The following POLN variants were observed in gnomAD, a reference collection of about 807,000 sequenced individuals.
POLN encodes DNA polymerase N.
In POLN, 108 loss-of-function variants were observed where a neutral mutation model predicts 113.5. The ratio of observed to expected loss-of-function variants is 0.95; its 90% CI spans 0.81 to 1.12. The LOEUF (loss-of-function observed/expected upper bound fraction) is 1.12, where lower values mean the gene tolerates loss of function less well. POLN is among the 50% of genes most tolerant of loss of function. POLN has a pLI of 0.00. For synonymous variants in POLN, 386 were observed against 391.5 expected (o/e 0.99, Z 0.17); for missense variants, 1,097 against 1,077.1 (o/e 1.02, Z -0.26).
chr4:2,202,674 A>G (rs1178449964), intron 5 of POLN, among the ~76,000 whole-genome samples: 7 of 149,006 alleles, frequency 4.7e-5, no homozygotes, highest in African/African-American at 1.8e-4. Context: ...CAGTGAGCCA[A>G]GACTGTAGCA....
At chr4:2,187,155 G>A (rs976234892) in intron 7 of POLN, among the ~76,000 whole-genome samples, 2 of 152,152 alleles carry the variant, frequency 1.3e-5, no homozygotes, top group East Asian at 1.9e-4. Flanking sequence ...AATTAGTGGT[G>A]TTCAAGATGA....
At chr4:2,109,183 T>C (rs964258469) in intron 19 of POLN, among the ~76,000 whole-genome samples, 14 of 152,178 alleles carry the variant, frequency 9.2e-5, no homozygotes, top group Admixed American at 3.3e-4. Flanking sequence ...AATGATTGAA[T>C]ATGAAAAACA....
chr4:2,085,993 G>A (rs1228061904), intron 20 of POLN, among the ~76,000 whole-genome samples: 1 of 152,228 alleles, frequency 6.6e-6, no homozygotes, highest in African/African-American at 2.4e-5. Context: ...TGATGAAGTA[G>A]ACATGGTCCC....
intron 2 of POLN, among the ~76,000 whole-genome samples, chr4:2,237,891 T>TA (rs1734822530): frequency 6.6e-6 from 1 of 152,164 alleles, no homozygotes; most frequent in Admixed American, 6.5e-5. Flanking sequence ...AGCTGCCAAT[T>TA]AGTCTTATAG....
At chr4:2,218,647 G>A (rs1196888755) in intron 3 of POLN, among the ~76,000 whole-genome samples, 1 of 152,124 alleles carries the variant, frequency 6.6e-6, no homozygotes, top group Non-Finnish European at 1.5e-5. Context: ...CAAAACAGTG[G>A]GTGGCGGGAT....
intron 19 of POLN, among the ~76,000 whole-genome samples, chr4:2,122,676 G>A (rs1455465879): frequency 6.6e-6 from 1 of 152,234 alleles, no homozygotes; most frequent in East Asian, 1.9e-4. Context: ...TGTTTAGCAG[G>A]TCATGGAAAA....
intron 16 of POLN, among the ~76,000 whole-genome samples, chr4:2,149,215 G>A (rs752663375): frequency 3.3e-5 from 5 of 151,962 alleles, no homozygotes; most frequent in Admixed American, 6.6e-5. Flanking sequence ...AATTGCTTGC[G>A]CCTGGGAGGC....
At chr4:2,078,587 C>A in intron 23 of POLN, 6 of 985,282 alleles carry the variant, frequency 6.1e-6, no homozygotes, top group Non-Finnish European at 7.2e-6. Flanking sequence ...GAGTTTCATG[C>A]CTGCTGCTTC....
At chr4:2,154,603 A>C (rs904085921) in intron 16 of POLN, among the ~76,000 whole-genome samples, 1 of 152,230 alleles carries the variant, frequency 6.6e-6, no homozygotes, top group Non-Finnish European at 1.5e-5. Flanking sequence ...TAAAGCCTTA[A>C]AAATACATAT....
chr4:2,138,896 A>C (rs2108730046), intron 16 of POLN, among the ~76,000 whole-genome samples: 1 of 152,148 alleles, frequency 6.6e-6, no homozygotes, highest in East Asian at 1.9e-4. Flanking sequence ...TCTGTCTCAA[A>C]AAAAAAGAAA....
chr4:2,220,935 CTTTG>C (rs938738097), intron 3 of POLN, among the ~76,000 whole-genome samples: 81 of 152,088 alleles, frequency 5.3e-4, no homozygotes, highest in African/African-American at 1.5e-3. Flanking sequence ...GAATTATGAA[CTTTG>C]TTTGTTTTTT....
chr4:2,195,524 TC>T (rs936328502), intron 6 of POLN, among the ~76,000 whole-genome samples: 4 of 148,424 alleles, frequency 2.7e-5, no homozygotes, highest in Admixed American at 6.7e-5. Flanking sequence ...CACTCTGTCA[TC>T]CAGGCTAGAG....
rs1327222017 is a variant in POLN at position 2,231,764 on chromosome 4, G to A, written c.-12-2521C>T. On this transcript the variant is annotated intron_variant, in intron 2 of 25. Transcript: ENST00000511885. ...AAGTCATAAAAAGCACTGGTATTCT[G>A]AATGTACTACATGAGAAAAAAGACA... 5 of 507,144 alleles carry A rather than the reference G, an allele frequency of 9.9e-6. No homozygotes were observed. In the Admixed American group the frequency reaches 1.7e-4, roughly 17 times the overall value. The allele number at this position is 507,144 out of a possible 1,614,324, so 31.4% of individuals were successfully genotyped here.
chr4:2,171,705 C>T (rs1396303936), intron 11 of POLN, among the ~76,000 whole-genome samples: 2 of 150,200 alleles, frequency 1.3e-5, no homozygotes, highest in East Asian at 2.0e-4. Flanking sequence ...TTTGGGAGGC[C>T]GAGGCAGGTG....
intron 19 of POLN, among the ~76,000 whole-genome samples, chr4:2,116,930 G>T (rs1235860095): frequency 6.6e-6 from 1 of 152,184 alleles, no homozygotes; most frequent in Non-Finnish European, 1.5e-5. Flanking sequence ...AGTGGGATTT[G>T]ATTTCATTTT....
chr4:2,138,313 T>C (rs1337596445), intron 16 of POLN, among the ~76,000 whole-genome samples: 1 of 152,158 alleles, frequency 6.6e-6, no homozygotes, highest in African/African-American at 2.4e-5. Context: ...GACCAGACAT[T>C]AGTTACCCCA....
At chr4:2,136,420 G>A (rs1731858636) in intron 16 of POLN, among the ~76,000 whole-genome samples, 1 of 152,238 alleles carries the variant, frequency 6.6e-6, no homozygotes, top group Admixed American at 6.5e-5. Flanking sequence ...GGCAGCCCAA[G>A]TCTCCCATGA....
chr4:2,192,486 T>C (rs990576124), intron 7 of POLN, among the ~76,000 whole-genome samples: 2 of 151,908 alleles, frequency 1.3e-5, no homozygotes, highest in Admixed American at 1.3e-4. Context: ...ATTACAGGCA[T>C]GAGCCACCAA....
chr4:2,130,188 G>A (rs1731686971), intron 17 of POLN, among the ~76,000 whole-genome samples: 1 of 151,826 alleles, frequency 6.6e-6, no homozygotes, highest in East Asian at 1.9e-4. Flanking sequence ...GGAGGATGCA[G>A]TGAGCTGAGA....
Sources: gnomAD v4.1 joint callset for allele counts (sites outside exome capture counted in the v4.1 genomes callset) on GRCh38, gnomAD v4.1.1 for gene constraint, MANE v1.5 for transcripts, NCBI Gene and HGNC (gene_info 2026-07-23, HGNC 2026-07-21) for gene names.